Variants in PDE4D observed in about 807,000 individuals in gnomAD.
The protein encoded by PDE4D is phosphodiesterase 4D.
Under a neutral mutation model 87.4 loss-of-function variants are expected in PDE4D, and 24 were observed. The observed-to-expected ratio is 0.27, with a 90% CI of 0.20 to 0.39. The LOEUF is 0.39. Among genes scored for constraint, PDE4D ranks in the 10% least tolerant of loss-of-function variants. The probability of loss-of-function intolerance (pLI) is 1.00; values close to 1 mark genes in which losing one functional copy is unlikely to be tolerated. For missense variants in PDE4D, 714 were observed against 1,041.0 expected (o/e 0.69, Z 4.32); for synonymous variants, 384 against 383.2 (o/e 1.00, Z -0.02).
rs1204505869 is a variant in PDE4D at position 59,079,357 on chromosome 5, G to A, written c.809-40386C>T. ...ATTAGAGAAAATTAAGAAAAAGCAT[G>A]CATAATTTCACAAACCAATGGTAGC... On this transcript the variant is annotated intron_variant, in intron 5 of 14. Transcript: ENST00000340635. 2.6e-5 allele frequency among the ~76,000 whole-genome samples: 4 copies of A among 152,226 alleles called. No individual in the cohort carries two copies. In the East Asian group the frequency reaches 7.7e-4, roughly 29 times the overall value.
intron 1 of PDE4D, among the ~76,000 whole-genome samples, chr5:60,327,084 C>T (rs1756866840): frequency 6.6e-6 from 1 of 152,124 alleles, no homozygotes; most frequent in African/African-American, 2.4e-5. Context: ...CAAAATTTCA[C>T]CTCTGCTCTC....
chr5:59,225,413 A>G (rs770950478), intron 1 of PDE4D, among the ~76,000 whole-genome samples: 3 of 152,238 alleles, frequency 2.0e-5, no homozygotes, highest in Non-Finnish European at 2.9e-5. Context: ...ACTTAGTAAT[A>G]TGTTTTGAAA....
chr5:59,795,059 G>A (rs1162411606), intron 1 of PDE4D, among the ~76,000 whole-genome samples: 2 of 152,104 alleles, frequency 1.3e-5, no homozygotes, highest in South Asian at 2.1e-4. Flanking sequence ...ATATCCTAGC[G>A]GGGCTCTGAA....
rs1404123056 is a variant in PDE4D, at chr5:59,849,428, G to GAAA, written c.455+43737_455+43739dup. On this transcript the variant is annotated intron_variant, in intron 1 of 14. Coordinates refer to ENST00000340635, the MANE Select transcript of PDE4D (RefSeq NM_001104631.2). ...CAGTAAAACATAAATAACTTGTAAA[G>GAAA]AAAAGGAGATCATGTAGAAATGTGC... Among the ~76,000 whole-genome samples, 3 of 152,084 alleles carry GAAA rather than the reference G, an allele frequency of 2.0e-5. No homozygotes were observed. In the East Asian group the frequency reaches 5.8e-4, roughly 30 times the overall value.
intron 1 of PDE4D, among the ~76,000 whole-genome samples, chr5:59,499,256 T>C (rs1160745577): frequency 1.4e-5 from 2 of 146,320 alleles, no homozygotes; most frequent in Non-Finnish European, 3.0e-5. Flanking sequence ...ACCTCTAGAG[T>C]ACAGCAATGG....
intron 1 of PDE4D, chr5:59,768,493 C>T (rs1449193426): frequency 6.3e-6 from 10 of 1,598,334 alleles, no homozygotes; most frequent in Non-Finnish European, 7.6e-6. Context: ...AGTGTCCGGG[C>T]TTGTCTGCTG....
At chr5:58,994,954 C>T (rs988913524) in intron 6 of PDE4D, among the ~76,000 whole-genome samples, 10 of 135,564 alleles carry the variant, frequency 7.4e-5, no homozygotes, top group Non-Finnish European at 1.4e-4. Flanking sequence ...TGATGTTCCC[C>T]TTCCTGTGCC....
At chr5:59,514,540 T>C (rs6450521) in intron 1 of PDE4D, among the ~76,000 whole-genome samples, 78,264 of 152,008 alleles carry the variant, frequency 0.51, 21,271 homozygotes, top group African/African-American at 0.65. Context: ...TTTACCTCAC[T>C]AGGATCTAAA....
chr5:59,020,925 T>C (rs950861178), intron 6 of PDE4D, among the ~76,000 whole-genome samples: 1 of 152,210 alleles, frequency 6.6e-6, no homozygotes, highest in Non-Finnish European at 1.5e-5. Context: ...CCTCTGTTTC[T>C]CAGCTGCATT....
intron 5 of PDE4D, among the ~76,000 whole-genome samples, chr5:59,078,153 C>T (rs1364245921): frequency 1.3e-5 from 2 of 152,022 alleles, no homozygotes; most frequent in South Asian, 2.1e-4. Context: ...GAAGTATGCA[C>T]GACAATGTTT....
intron 1 of PDE4D, among the ~76,000 whole-genome samples, chr5:60,467,577 C>A (rs1312806022): frequency 1.3e-5 from 2 of 152,176 alleles, no homozygotes; most frequent in African/African-American, 4.8e-5. Flanking sequence ...GCCATGCTTA[C>A]ACTGGCCCAA....
intron 1 of PDE4D, among the ~76,000 whole-genome samples, chr5:59,636,629 A>G (rs1031946510): frequency 4.6e-5 from 7 of 152,212 alleles, no homozygotes; most frequent in Non-Finnish European, 1.0e-4. Context: ...TCTTTGACAA[A>G]CCTGACAAAA....
intron 5 of PDE4D, among the ~76,000 whole-genome samples, chr5:59,068,291 A>G (rs1764227252): frequency 1.3e-5 from 2 of 152,198 alleles, no homozygotes; most frequent in African/African-American, 4.8e-5. Context: ...TTGTGAAATC[A>G]TTGTCTATAC....
intron 5 of PDE4D, among the ~76,000 whole-genome samples, chr5:59,122,141 C>CAAAAAAAAAAAA (rs56284898): frequency 1.4e-4 from 10 of 71,594 alleles, no homozygotes; most frequent in Middle Eastern, 0.013. Flanking sequence ...GACTCTATCT[C>CAAAAAAAAAAAA]AAAAAAAAAA....
At position 59,440,093 on chromosome 5, in the gene PDE4D, C is replaced by T. The variant is rs556687912; in HGVS notation, c.456-224125G>A. On this transcript the variant is annotated intron_variant, in intron 1 of 14. Transcript: ENST00000340635. ...AATTAATGAAAGAGATTCATTTTTT[C>T]GGTCATGATTCATTCCTTTCTTGAT... Among the ~76,000 whole-genome samples the T allele has an allele frequency of 7.2e-5, 11 of 152,134 alleles. No homozygotes were observed. The South Asian group carries it at 1.2e-3, about 17-fold the overall frequency.
chr5:59,865,520 T>C (rs1227225204), intron 1 of PDE4D, among the ~76,000 whole-genome samples: 2 of 152,186 alleles, frequency 1.3e-5, no homozygotes, highest in Non-Finnish European at 2.9e-5. Context: ...TAGCCTAGGT[T>C]CTTCCCCAAA....
chr5:59,512,753 A>C (rs548912719), intron 1 of PDE4D, among the ~76,000 whole-genome samples: 1 of 152,280 alleles, frequency 6.6e-6, no homozygotes, highest in Admixed American at 6.5e-5. Context: ...TGTAAAAAAA[A>C]TTAGACTAAT....
chr5:59,317,295 A>C (rs1203448332), intron 1 of PDE4D, among the ~76,000 whole-genome samples: 1 of 152,114 alleles, frequency 6.6e-6, no homozygotes, highest in Admixed American at 6.6e-5. Context: ...CATAGTACAC[A>C]CTAGGGGAGG....
chr5:59,201,178 G>T (rs1335944053), intron 2 of PDE4D, among the ~76,000 whole-genome samples: 1 of 151,914 alleles, frequency 6.6e-6, no homozygotes, highest in African/African-American at 2.4e-5. Flanking sequence ...TTTTTAAAAA[G>T]CTACTTATTA....
Sources: gnomAD v4.1 joint callset for allele counts (sites outside exome capture counted in the v4.1 genomes callset) on GRCh38, gnomAD v4.1.1 for gene constraint, MANE v1.5 for transcripts, NCBI Gene and HGNC (gene_info 2026-07-23, HGNC 2026-07-21) for gene names.